Variants in CCNY observed in about 807,000 individuals in gnomAD.
The protein encoded by CCNY is cyclin-Y.
A neutral mutation model predicts 42.8 loss-of-function variants in CCNY; 19 were observed. The observed-to-expected ratio is 0.44, with a 90% CI of 0.31 to 0.65. The LOEUF (loss-of-function observed/expected upper bound fraction) is 0.65, where lower values mean the gene tolerates loss of function less well. Ranked by LOEUF, CCNY falls within the 30% of genes least tolerant of loss-of-function variation. The probability of loss-of-function intolerance (pLI) is 0.07; values close to 1 mark genes in which losing one functional copy is unlikely to be tolerated. For synonymous variants in CCNY, 165 were observed against 162.7 expected (o/e 1.01, Z -0.11); for missense variants, 370 against 437.3 (o/e 0.85, Z 1.37).
intron 3 of CCNY, among the ~76,000 whole-genome samples, chr10:35,507,688 T>G (rs1840242178): frequency 6.6e-6 from 1 of 152,216 alleles, no homozygotes; most frequent in Non-Finnish European, 1.5e-5. Context: ...GCCTGACACA[T>G]GGCATTTAGT....
intron 2 of CCNY, among the ~76,000 whole-genome samples, chr10:35,495,356 G>A (rs1839984369): frequency 6.6e-6 from 1 of 152,174 alleles, no homozygotes; most frequent in African/African-American, 2.4e-5. Context: ...TTTGGCCTTA[G>A]ATATTCTCTG....
At chr10:35,344,685 A>G (rs1023514766) in intron 1 of CCNY, among the ~76,000 whole-genome samples, 1 of 152,056 alleles carries the variant, frequency 6.6e-6, no homozygotes, top group Non-Finnish European at 1.5e-5. Context: ...TTAACTCGTC[A>G]TTTAACATTA....
chr10:35,501,557 T>C (rs1463740832), intron 3 of CCNY, 22 bp downstream of exon 3: 2 of 1,607,788 alleles, frequency 1.2e-6, no homozygotes, highest in South Asian at 2.2e-5. Context: ...TGTCTCCCTG[T>C]GTTCTTCATA....
At chr10:35,432,637 A>G (rs774477410) in intron 1 of CCNY, among the ~76,000 whole-genome samples, 6 of 152,252 alleles carry the variant, frequency 3.9e-5, no homozygotes, top group Non-Finnish European at 5.9e-5. Context: ...GAGAGAGACA[A>G]TCTGTTCCTT....
chr10:35,337,384 G>T (rs1836067387), intron 1 of CCNY, among the ~76,000 whole-genome samples, 177 bp downstream of exon 1: 1 of 152,174 alleles, frequency 6.6e-6, no homozygotes, highest in Non-Finnish European at 1.5e-5. Flanking sequence ...CGTACCCCTC[G>T]CTGGTTACCC....
intron 7 of CCNY, among the ~76,000 whole-genome samples, chr10:35,532,133 C>G (rs1840782080): frequency 6.6e-6 from 1 of 152,246 alleles, no homozygotes; most frequent in South Asian, 2.1e-4. Context: ...AGCCCATCCT[C>G]TGGTCTCTGC....
chr10:35,548,235 A>C (rs1589197482), intron 7 of CCNY, among the ~76,000 whole-genome samples: 1 of 149,324 alleles, frequency 6.7e-6, no homozygotes, highest in East Asian at 1.9e-4. Context: ...AGAAAAGAAA[A>C]TGTTAAGAAA....
At chr10:35,441,001 T>G (rs1453931650) in intron 1 of CCNY, among the ~76,000 whole-genome samples, 3 of 152,206 alleles carry the variant, frequency 2.0e-5, no homozygotes, top group Non-Finnish European at 4.4e-5. Context: ...GGTTTTTCTC[T>G]AGAAGAGAGA....
intron 7 of CCNY, among the ~76,000 whole-genome samples, chr10:35,532,130 C>A (rs1840782018): frequency 6.6e-6 from 1 of 152,222 alleles, no homozygotes; most frequent in South Asian, 2.1e-4. Flanking sequence ...TGCAGCCCAT[C>A]CTCTGGTCTC....
At chr10:35,399,123 A>G (rs1452752634) in intron 1 of CCNY, among the ~76,000 whole-genome samples, 1 of 152,248 alleles carries the variant, frequency 6.6e-6, no homozygotes, top group Non-Finnish European at 1.5e-5. Context: ...GGTTTCTCAC[A>G]TGGTTTCTTC....
rs1840749337 is a variant in CCNY, at chr10:35,530,829, TGGG to T, written c.579+587_579+589del. On this transcript the variant is annotated intron_variant, in intron 7 of 9. Transcript: ENST00000374704. The surrounding 1 kb of genome is among the most constrained non-coding windows in gnomAD (Gnocchi z 4.3). ...GCTCACGTCAGTAATTTCAGCACTT[TGGG>T]AGGTCAAGGTGGGAGGATCACTTGA... is the stretch of plus-strand genomic sequence containing the variant. Among the ~76,000 whole-genome samples, 1 of 152,202 alleles carries T rather than the reference TGGG, an allele frequency of 6.6e-6. No individual in the cohort carries two copies. Among genetic ancestry groups the T allele is most frequent in the African/African-American group, 2.4e-5 (1 of 41,464 alleles).
chr10:35,558,152 AT>A (rs1841397128), intron 8 of CCNY, among the ~76,000 whole-genome samples: 1 of 152,220 alleles, frequency 6.6e-6, no homozygotes, highest in African/African-American at 2.4e-5. Flanking sequence ...CACTAGAGTC[AT>A]TCACTTTTCC....
At chr10:35,333,725 G>C (rs902955782), upstream of CCNY, among the ~76,000 whole-genome samples, 2 of 152,166 alleles carry the variant, frequency 1.3e-5, no homozygotes, top group African/African-American at 4.8e-5. Flanking sequence ...CAGCTAGCAG[G>C]CTTTCAACGA....
chr10:35,317,988 G>A (rs1835780751), intron 3 of CCNY, among the ~76,000 whole-genome samples: 1 of 152,160 alleles, frequency 6.6e-6, no homozygotes, highest in South Asian at 2.1e-4. Context: ...TAGCACTTGG[G>A]AGGCTGAGGT....
At chr10:35,284,738 T>C (rs936490029) in intron 3 of CCNY, among the ~76,000 whole-genome samples, 6 of 152,150 alleles carry the variant, frequency 3.9e-5, no homozygotes, top group African/African-American at 1.4e-4. Flanking sequence ...CTTTTTCTAA[T>C]ATAAGCATCT....
intron 1 of CCNY, among the ~76,000 whole-genome samples, chr10:35,452,060 A>T (rs1838930638): frequency 6.6e-6 from 1 of 152,186 alleles, no homozygotes; most frequent in Non-Finnish European, 1.5e-5. Context: ...TATTTTGTTT[A>T]CTAGCTTAGT....
At chr10:35,407,504 C>G (rs1228384488) in intron 1 of CCNY, among the ~76,000 whole-genome samples, 1 of 152,108 alleles carries the variant, frequency 6.6e-6, no homozygotes, top group East Asian at 1.9e-4. Context: ...ACATCAGGCA[C>G]CTCAGACCGT....
intron 7 of CCNY, among the ~76,000 whole-genome samples, chr10:35,534,597 G>T (rs1000782259): frequency 3.3e-5 from 5 of 152,036 alleles, no homozygotes; most frequent in Non-Finnish European, 7.4e-5. Context: ...GCTTTATTGG[G>T]ACATATTTTA....
intron 1 of CCNY, among the ~76,000 whole-genome samples, chr10:35,395,687 A>G (rs1589088179): frequency 6.6e-6 from 1 of 152,232 alleles, no homozygotes; most frequent in South Asian, 2.1e-4. Flanking sequence ...GTGGAGGTCC[A>G]TTTTGGAAGA....
Sources: allele counts gnomAD v4.1 joint callset (sites outside exome capture counted in the v4.1 genomes callset), GRCh38; gene constraint gnomAD v4.1.1; non-coding constraint Gnocchi (gnomAD v3.1); transcripts MANE v1.5; gene names NCBI Gene and HGNC (gene_info 2026-07-23, HGNC 2026-07-21).